Variants in RIN2 observed in about 807,000 individuals in gnomAD.
RIN2 encodes RAB5 interacting protein 2.
RIN2 carries 36 observed loss-of-function variants against 78.0 expected under a neutral mutation model. The ratio of observed to expected loss-of-function variants is 0.46; its 90% CI spans 0.35 to 0.61. RIN2 has a LOEUF of 0.61. Among genes scored for constraint, RIN2 ranks in the 20% least tolerant of loss-of-function variants. RIN2 has a pLI of 0.00. For missense variants in RIN2, 1,087 were observed against 1,159.7 expected (o/e 0.94, Z 0.91); for synonymous variants, 466 against 466.8 (o/e 1.00, Z 0.02).
chr20:19,863,136 T>C (rs756450644), intron 2 of RIN2, among the ~76,000 whole-genome samples: 7 of 152,204 alleles, frequency 4.6e-5, no homozygotes, highest in Non-Finnish European at 1.0e-4. Flanking sequence ...AGCATGTGTG[T>C]GCAAGAAGAA....
At chr20:19,801,010 C>T (rs1311571801) in intron 2 of RIN2, among the ~76,000 whole-genome samples, 1 of 152,172 alleles carries the variant, frequency 6.6e-6, no homozygotes, top group African/African-American at 2.4e-5. Context: ...GCCTTCGCTG[C>T]CCTGTAGACA....
intron 2 of RIN2, among the ~76,000 whole-genome samples, chr20:19,880,358 C>T (rs1401543825): frequency 2.1e-5 from 3 of 139,818 alleles, no homozygotes; most frequent in East Asian, 2.1e-4. Flanking sequence ...AAGCATGGCT[C>T]TTCCTATCAT....
At chr20:19,817,447 C>T (rs1249622878) in intron 2 of RIN2, among the ~76,000 whole-genome samples, 1 of 152,084 alleles carries the variant, frequency 6.6e-6, no homozygotes, top group Non-Finnish European at 1.5e-5. Flanking sequence ...ACCTAATCAC[C>T]TCCTAAAGGC....
intron 2 of RIN2, among the ~76,000 whole-genome samples, chr20:19,864,659 A>C (rs1311683807): frequency 1.3e-5 from 2 of 152,252 alleles, no homozygotes; most frequent in Non-Finnish European, 1.5e-5. Context: ...GGAAGGCATC[A>C]GCAGGTGGGT....
chr20:19,795,171 G>A (rs914930567), intron 1 of RIN2, among the ~76,000 whole-genome samples: 35 of 152,132 alleles, frequency 2.3e-4, no homozygotes, highest in Non-Finnish European at 1.6e-4. Context: ...ACCCGGACTC[G>A]CAGGGAAGTC....
intron 9 of RIN2, among the ~76,000 whole-genome samples, chr20:19,982,463 C>T (rs968038085): frequency 6.6e-6 from 1 of 152,160 alleles, no homozygotes; most frequent in African/African-American, 2.4e-5. Context: ...TCCTGCCTTC[C>T]ACCCTCCTCA....
chr20:19,862,946 C>T lies in RIN2; in HGVS notation c.-36-26620C>T, dbSNP rs1296130814. Among the ~76,000 whole-genome samples the T allele has an allele frequency of 3.3e-5, 5 of 152,316 alleles. No individual in the cohort carries two copies. In the East Asian group the frequency reaches 7.7e-4, roughly 24 times the overall value. On this transcript the variant is annotated intron_variant, in intron 2 of 12. Transcript: ENST00000255006. Reference sequence around the variant, plus strand: ...GCAACATCTGCCCTCCAGCGTGGAGCCAGCAGACTTGTACCATGTTCCTCC... The same window carrying T: ...GCAACATCTGCCCTCCAGCGTGGAGTCAGCAGACTTGTACCATGTTCCTCC...
At chr20:19,879,119 CTA>C in intron 2 of RIN2, among the ~76,000 whole-genome samples, 2 of 152,202 alleles carry the variant, frequency 1.3e-5, no homozygotes, top group Non-Finnish European at 2.9e-5. Context: ...GTGAAATATC[CTA>C]TGTCCTTGTC....
At chr20:19,999,155 G>A (rs78360669) in intron 12 of RIN2, among the ~76,000 whole-genome samples, 2,227 of 152,260 alleles carry the variant, frequency 0.015, 23 homozygotes, top group Non-Finnish European at 0.024. Context: ...GTACGTCTTG[G>A]TGGTAAAGGC....
rs550571170 is a variant in RIN2, at chr20:19,904,859, A to G, written c.57+15201A>G. ...TTAAAATCTTCCCTGGAGTCACTCA[A>G]AGGAGGCCAGAGCCAGCCTCCCCAT... On this transcript the variant is annotated intron_variant, in intron 3 of 12. Coordinates refer to ENST00000255006, the MANE Select transcript of RIN2 (RefSeq NM_018993.4). 8.3e-4 allele frequency among the ~76,000 whole-genome samples: 127 copies of G among 152,332 alleles called. 4 individuals carry two copies. In the South Asian group the frequency reaches 0.024, roughly 29 times the overall value.
Position 19,975,128 on chromosome 20 carries a change from T to G in RIN2, c.1103T>G (p.Leu368Arg), listed in dbSNP as rs1170934138. Reference protein sequence around the residue: ...PPRLKKQASFLEAEGGAKTLS... With the variant: ...PPRLKKQASFREAEGGAKTLS... ...CGGCTGAAGAAGCAGGCTTCTTTTC[T>G]GGAAGCAGAGGGCGGTGCAAAGACC... Residue 368 changes from leucine (L) to arginine (R), a missense_variant, in exon 9 of 13, where the codon CTG becomes CGG. This residue lies in a region of RIN2 where 706 missense variants were observed against 667.5 expected (regional missense o/e 1.06). Transcript: ENST00000255006. This position sits in a 1 kb window ranked among gnomAD's most constrained non-coding sequence, Gnocchi z 4.9. 2.4e-5 allele frequency: 39 copies of G among 1,613,328 alleles called. No homozygotes were observed. Among genetic ancestry groups the G allele is most frequent in the Non-Finnish European group, 3.3e-5 (39 of 1,179,882 alleles).
chr20:19,884,514 G>A lies in RIN2; in HGVS notation c.-36-5052G>A, dbSNP rs1196274708. Among the ~76,000 whole-genome samples, 7 of 152,156 alleles carry A rather than the reference G, an allele frequency of 4.6e-5. No homozygotes were observed. In the South Asian group the frequency reaches 1.2e-3, roughly 27 times the overall value. Reference sequence around the variant, plus strand: ...TTTCCATATGACTTCTTTCTTTCTCGTAAATTAGCTTGTCTTTTCAATGGA... The same window carrying A: ...TTTCCATATGACTTCTTTCTTTCTCATAAATTAGCTTGTCTTTTCAATGGA... On this transcript the variant is annotated intron_variant, in intron 2 of 12. Coordinates refer to ENST00000255006, the MANE Select transcript of RIN2 (RefSeq NM_018993.4).
intron 7 of RIN2, among the ~76,000 whole-genome samples, chr20:19,970,429 G>A (rs189358384): frequency 3.2e-3 from 480 of 152,282 alleles, no homozygotes; most frequent in Non-Finnish European, 5.0e-3. Context: ...AATTCATCTC[G>A]GTTTAGGATT....
chr20:19,765,636 G>T (rs2122340081), intron 1 of RIN2, among the ~76,000 whole-genome samples: 1 of 152,334 alleles, frequency 6.6e-6, no homozygotes, highest in African/African-American at 2.4e-5. Context: ...GTTTGAACTG[G>T]AAGACCCCTA....
intron 2 of RIN2, chr20:19,823,990 A>C: frequency 1.7e-6 from 2 of 1,197,870 alleles, no homozygotes. Flanking sequence ...GGACGACCGA[A>C]GAAAGTTGCA....
At chr20:19,971,252 A>G (rs996368970) in intron 8 of RIN2, among the ~76,000 whole-genome samples, 2 of 151,938 alleles carry the variant, frequency 1.3e-5, no homozygotes, top group African/African-American at 4.8e-5. Context: ...TTGACAGCAC[A>G]GACATCTAGA....
intron 1 of RIN2, among the ~76,000 whole-genome samples, chr20:19,768,543 A>T (rs998913611): frequency 1.3e-5 from 2 of 152,210 alleles, no homozygotes; most frequent in Admixed American, 6.5e-5. Flanking sequence ...GCAAATGTGC[A>T]TGAAAATGAT....
chr20:19,943,984 T>TC (rs1461114852), intron 4 of RIN2, among the ~76,000 whole-genome samples: 5 of 147,920 alleles, frequency 3.4e-5, no homozygotes, highest in Admixed American at 3.4e-4. Flanking sequence ...CCTTTTTTTT[T>TC]TTTTTTTTTT....
chr20:19,995,251 GTT>G (rs141557975), intron 11 of RIN2, among the ~76,000 whole-genome samples: 13 of 109,310 alleles, frequency 1.2e-4, no homozygotes, highest in African/African-American at 4.9e-4. Flanking sequence ...GCCAGTGTCT[GTT>G]TTTTTTTTAA....
Sources: gnomAD v4.1 joint callset for allele counts (sites outside exome capture counted in the v4.1 genomes callset) on GRCh38, gnomAD v4.1.1 for gene constraint, gnomAD v4.1.1 regional missense constraint, Gnocchi (gnomAD v3.1) non-coding constraint, MANE v1.5 for transcripts, NCBI Gene and HGNC (gene_info 2026-07-23, HGNC 2026-07-21) for gene names.